The following DOCK1 variants were observed in gnomAD, a reference collection of about 807,000 sequenced individuals.
The protein encoded by DOCK1 is dedicator of cytokinesis 1.
In DOCK1, 138 loss-of-function variants were observed where a neutral mutation model predicts 262.7. The ratio of observed to expected loss-of-function variants is 0.53; its 90% CI spans 0.46 to 0.61. The LOEUF is 0.61. Ranked by LOEUF, DOCK1 falls within the 20% of genes least tolerant of loss-of-function variation. The pLI, the probability that DOCK1 is intolerant of heterozygous loss-of-function variation, is 0.00. For synonymous variants in DOCK1, 866 were observed against 867.4 expected (o/e 1.00, Z 0.03); for missense variants, 1,908 against 2,370.7 (o/e 0.80, Z 4.05).
intron 23 of DOCK1, among the ~76,000 whole-genome samples, chr10:127,093,239 C>CTTTTCTTTTCTTTCTTTCT (rs372397425): frequency 2.1e-5 from 2 of 94,270 alleles, no homozygotes; most frequent in Admixed American, 1.1e-4. Context: ...TTCTTTCTTT[C>CTTTTCTTTTCTTTCTTTCT]TTCTTTTTTT....
At chr10:127,101,695 CA>C (rs1380252187) in intron 23 of DOCK1, among the ~76,000 whole-genome samples, 1 of 152,144 alleles carries the variant, frequency 6.6e-6, no homozygotes, top group Non-Finnish European at 1.5e-5. Context: ...TCCGGCAGCC[CA>C]AGGGGAGCCA....
intron 29 of DOCK1, among the ~76,000 whole-genome samples, chr10:127,328,744 A>G (rs1267529473): frequency 6.6e-6 from 1 of 152,038 alleles, no homozygotes; most frequent in Non-Finnish European, 1.5e-5. Context: ...ACTTCCAGAG[A>G]GATCTGGTTC....
intron 27 of DOCK1, among the ~76,000 whole-genome samples, chr10:127,186,519 C>A (rs1265826474): frequency 1.3e-5 from 1 of 77,822 alleles, no homozygotes; most frequent in Non-Finnish European, 3.5e-5. Flanking sequence ...CCCCCCGCCC[C>A]CCCCCGATCC....
intron 22 of DOCK1, among the ~76,000 whole-genome samples, chr10:127,058,918 T>A (rs185745445): frequency 3.9e-5 from 6 of 152,272 alleles, no homozygotes; most frequent in Non-Finnish European, 7.4e-5. Flanking sequence ...GTGTTTTATG[T>A]TTGTAATTGT....
chr10:126,955,606 G>C (rs1253107513), intron 1 of DOCK1, among the ~76,000 whole-genome samples: 1 of 152,100 alleles, frequency 6.6e-6, no homozygotes, highest in African/African-American at 2.4e-5. Flanking sequence ...GCGCTGTCTG[G>C]GGTTAAAGGT....
At chr10:127,174,852 C>T (rs757719321) in intron 27 of DOCK1, among the ~76,000 whole-genome samples, 7 of 152,176 alleles carry the variant, frequency 4.6e-5, no homozygotes, top group Non-Finnish European at 7.3e-5. Context: ...TCCTGATTCT[C>T]TTCTTATTTA....
intron 25 of DOCK1, among the ~76,000 whole-genome samples, chr10:127,116,084 C>T (rs537949100): frequency 7.9e-4 from 121 of 152,208 alleles, no homozygotes; most frequent in African/African-American, 2.8e-3. Context: ...GATTGCTTTT[C>T]TGTAAGCCTG....
At chr10:127,448,542 G>T (rs983110746) in intron 51 of DOCK1, among the ~76,000 whole-genome samples, 1 of 152,174 alleles carries the variant, frequency 6.6e-6, no homozygotes, top group African/African-American at 2.4e-5. Flanking sequence ...GGATGGAGGC[G>T]GGCGAGCGAT....
intron 18 of DOCK1, among the ~76,000 whole-genome samples, chr10:127,034,286 C>T (rs1051585958): frequency 1.1e-4 from 17 of 152,026 alleles, no homozygotes; most frequent in African/African-American, 3.4e-4. Flanking sequence ...CGTGGATGGC[C>T]GCAGGCAGAG....
intron 10 of DOCK1, chr10:127,001,537 A>G (rs2040596496): frequency 6.6e-6 from 1 of 152,218 alleles, no homozygotes; most frequent in Admixed American, 6.5e-5. Flanking sequence ...CGACAAATGA[A>G]TAATACCGTA....
At chr10:127,432,977 C>G (rs924369536) in intron 47 of DOCK1, among the ~76,000 whole-genome samples, 1 of 152,164 alleles carries the variant, frequency 6.6e-6, no homozygotes, top group Non-Finnish European at 1.5e-5. Context: ...ACTTTCTGGT[C>G]GGCACATTCT....
intron 18 of DOCK1, among the ~76,000 whole-genome samples, chr10:127,034,616 C>T (rs1396929066): frequency 6.6e-6 from 1 of 152,122 alleles, no homozygotes; most frequent in South Asian, 2.1e-4. Flanking sequence ...ATGACAGCAT[C>T]CAGAGCCTAA....
At chr10:126,942,490 A>G (rs1327047548) in intron 1 of DOCK1, among the ~76,000 whole-genome samples, 2 of 152,128 alleles carry the variant, frequency 1.3e-5, no homozygotes, top group Non-Finnish European at 2.9e-5. Context: ...GGCAGGTAGA[A>G]CAGTAGAATA....
intron 21 of DOCK1, among the ~76,000 whole-genome samples, chr10:127,051,976 T>G (rs777305452): frequency 2.2e-4 from 34 of 152,108 alleles, no homozygotes; most frequent in Non-Finnish European, 4.4e-4. Flanking sequence ...GAAAAAAATT[T>G]TTGTGTCTCT....
In DOCK1 at chr10:127,361,310, C is replaced by T. The variant is rs57727991; in HGVS notation, c.3284-754C>T. ...TTTGTATTTTTAGTAGAGACGGTGT[C>T]TCACCGTGTTAGCCAGGATGGTCTC... On this transcript the variant is annotated intron_variant, in intron 32 of 51. Transcript: ENST00000623213. Among the ~76,000 whole-genome samples the T allele has an allele frequency of 9.6e-3, 1,454 of 151,894 alleles. 16 individuals are homozygous for T. The highest frequency in any genetic ancestry group is 0.03 in the African/African-American group (1,251 of 41,432).
At chr10:127,186,803 A>G (rs2056314379) in intron 27 of DOCK1, among the ~76,000 whole-genome samples, 1 of 151,970 alleles carries the variant, frequency 6.6e-6, no homozygotes, top group Non-Finnish European at 1.5e-5. Context: ...GGGATGTATA[A>G]AGAGAGAGAG....
At chr10:127,374,998 C>T (rs1193667689) in intron 35 of DOCK1, among the ~76,000 whole-genome samples, 1 of 152,282 alleles carries the variant, frequency 6.6e-6, no homozygotes, top group Admixed American at 6.5e-5. Flanking sequence ...GAAACCAGAT[C>T]TGGGCACCAT....
intron 29 of DOCK1, among the ~76,000 whole-genome samples, chr10:127,327,304 C>T (rs1180259937): frequency 6.6e-6 from 1 of 152,194 alleles, no homozygotes; most frequent in Non-Finnish European, 1.5e-5. Context: ...TTTAGTGTAG[C>T]CACCCTCATC....
intron 29 of DOCK1, among the ~76,000 whole-genome samples, chr10:127,284,391 G>A (rs1051352877): frequency 7.3e-5 from 11 of 151,400 alleles, no homozygotes; most frequent in African/African-American, 2.7e-4. Flanking sequence ...GACCATTTTA[G>A]GTTTTATTAT....
Sources: allele counts gnomAD v4.1 joint callset (sites outside exome capture counted in the v4.1 genomes callset), GRCh38; gene constraint gnomAD v4.1.1; transcripts MANE v1.5; gene names NCBI Gene and HGNC (gene_info 2026-07-23, HGNC 2026-07-21).